DCC: variants seen among roughly 807,000 people sequenced by gnomAD.
DCC encodes the protein DCC netrin 1 receptor, also known as netrin receptor DCC.
In DCC, 58 loss-of-function variants were observed where a neutral mutation model predicts 172.5. That is an observed-to-expected ratio of 0.34 (90% CI 0.27 to 0.42). The LOEUF is 0.42. Among genes scored for constraint, DCC ranks in the 10% least tolerant of loss-of-function variants. The pLI is 1.00. For missense variants in DCC, 1,740 were observed against 1,791.0 expected, an observed-to-expected ratio of 0.97 and a Z score of 0.51; for synonymous variants, 709 against 644.5, an observed-to-expected ratio of 1.10 and a Z score of -1.52.
Position 53,093,947 on chromosome 18 carries a change from C to T in DCC, c.1261+27781C>T, listed in dbSNP as rs183033055. ...CTGGCTGTTTCCTTGGCAACAATAACTGAGTCAGTCTGACAGAATAACTAA... is the reference window on the plus strand; with the variant it reads ...CTGGCTGTTTCCTTGGCAACAATAATTGAGTCAGTCTGACAGAATAACTAA... On this transcript the variant is annotated intron_variant, in intron 7 of 28. Transcript: ENST00000442544. Among the ~76,000 whole-genome samples the T allele has an allele frequency of 8.5e-5, 13 of 152,262 alleles. No homozygotes were observed. In the East Asian group the frequency reaches 2.1e-3, roughly 25 times the overall value.
chr18:53,022,944 A>C (rs935506896), intron 5 of DCC, among the ~76,000 whole-genome samples: 3 of 152,144 alleles, frequency 2.0e-5, no homozygotes, highest in Non-Finnish European at 2.9e-5. Flanking sequence ...TATCCCCTTG[A>C]AAGTTTGAAG....
chr18:52,986,492 T>G (rs1466375554), intron 5 of DCC, among the ~76,000 whole-genome samples: 4 of 152,122 alleles, frequency 2.6e-5, no homozygotes, highest in Non-Finnish European at 5.9e-5. Context: ...AAGTTTTAAG[T>G]CTTAGTTTCG....
At chr18:52,751,202 G>A (rs2145131213) in intron 1 of DCC, among the ~76,000 whole-genome samples, 1 of 152,318 alleles carries the variant, frequency 6.6e-6, no homozygotes, top group Admixed American at 6.5e-5. Flanking sequence ...CTGAGCAAAT[G>A]GTGGAGCCAA....
At chr18:53,250,129 T>G (rs962943131) in intron 12 of DCC, among the ~76,000 whole-genome samples, 4 of 151,916 alleles carry the variant, frequency 2.6e-5, no homozygotes, top group Non-Finnish European at 4.4e-5. Flanking sequence ...TTCCGTTTTT[T>G]TAAAATGGGG....
chr18:52,430,955 T>C (rs1254943211), intron 1 of DCC, among the ~76,000 whole-genome samples: 1 of 152,146 alleles, frequency 6.6e-6, no homozygotes, highest in Non-Finnish European at 1.5e-5. Context: ...TACAAACTCT[T>C]TATTTTTGGC....
chr18:53,526,408 G>T (rs1048140216), intron 27 of DCC, among the ~76,000 whole-genome samples: 2 of 152,162 alleles, frequency 1.3e-5, no homozygotes, highest in African/African-American at 2.4e-5. Flanking sequence ...GGCTAGTGGA[G>T]CTGCATCTGG....
chr18:53,449,064 C>A (rs2045373183), intron 22 of DCC, among the ~76,000 whole-genome samples: 1 of 152,092 alleles, frequency 6.6e-6, no homozygotes, highest in Non-Finnish European at 1.5e-5. Flanking sequence ...ATTCTTTATA[C>A]AGATGGAGGC....
At chr18:52,894,210 A>G (rs58427074) in intron 2 of DCC, among the ~76,000 whole-genome samples, 40,009 of 151,972 alleles carry the variant, frequency 0.26, 5,484 homozygotes, top group Admixed American at 0.33. Flanking sequence ...CTCCACCAGC[A>G]TCTTTCATTT....
Position 52,752,344 on chromosome 18 carries a change from A to G in DCC, c.382A>G (p.Ile128Val), listed in dbSNP as rs750260659. The G allele has an allele frequency of 2.5e-6, 4 of 1,614,192 alleles. No individual in the cohort carries two copies. Among genetic ancestry groups the G allele is most frequent in the Non-Finnish European group, 3.4e-6 (4 of 1,180,022 alleles). ...ATCTTTAGGAGATTCTGGCTCAATT[A>G]TTAGTCGGACAGCAAAAGTTGCAGT... ...EASLGDSGSI[I>V]SRTAKVAVAG... Residue 128 changes from isoleucine (I) to valine (V), a missense_variant, in exon 2 of 29, where the codon ATT becomes GTT. Ile to Val is a conservative substitution (Grantham distance 29). Around this residue, in one of 2 missense-constraint regions of DCC, gnomAD observed 1,732 missense variants for 1,767.4 expected, o/e 0.98. Coordinates refer to ENST00000442544, the MANE Select transcript of DCC (RefSeq NM_005215.4).
intron 1 of DCC, among the ~76,000 whole-genome samples, chr18:52,492,596 A>C (rs2144607448): frequency 6.6e-6 from 1 of 152,082 alleles, no homozygotes; most frequent in Admixed American, 6.6e-5. Flanking sequence ...TGTGAAAGGA[A>C]CTATAAGAAA....
At chr18:52,750,375 G>T (rs771153528) in intron 1 of DCC, among the ~76,000 whole-genome samples, 4 of 152,132 alleles carry the variant, frequency 2.6e-5, no homozygotes, top group Non-Finnish European at 5.9e-5. Context: ...ACACCAAAAG[G>T]ATCTGTGGGG....
At chr18:53,415,023 AG>A (rs905349217) in intron 20 of DCC, among the ~76,000 whole-genome samples, 58 of 152,204 alleles carry the variant, frequency 3.8e-4, no homozygotes, top group African/African-American at 1.3e-3. Context: ...TTCATCTGAA[AG>A]GGGCTTTCGT....
intron 5 of DCC, among the ~76,000 whole-genome samples, chr18:52,929,913 C>G (rs2040280413): frequency 6.6e-6 from 1 of 150,548 alleles, no homozygotes; most frequent in Admixed American, 6.6e-5. Context: ...ATTGTATCCT[C>G]ATTTTCACTT....
chr18:53,262,013 A>T (rs2056611103), intron 12 of DCC, among the ~76,000 whole-genome samples: 1 of 152,220 alleles, frequency 6.6e-6, no homozygotes, highest in Non-Finnish European at 1.5e-5. Context: ...CCATCAGAAA[A>T]GAGGGGAACA....
chr18:53,152,282 A>G (rs2054653581), intron 7 of DCC, among the ~76,000 whole-genome samples: 2 of 152,194 alleles, frequency 1.3e-5, no homozygotes, highest in African/African-American at 2.4e-5. Flanking sequence ...CTTATCTTTC[A>G]TATACATCAT....
intron 20 of DCC, among the ~76,000 whole-genome samples, chr18:53,413,752 AC>A (rs1910131946): frequency 6.6e-6 from 1 of 152,200 alleles, no homozygotes. Flanking sequence ...AAGAATTCTC[AC>A]CTAAATATGA....
At chr18:52,827,659 C>A (rs1352619371) in intron 2 of DCC, among the ~76,000 whole-genome samples, 10 of 152,220 alleles carry the variant, frequency 6.6e-5, no homozygotes, top group Non-Finnish European at 2.9e-5. Context: ...AATTCCTAAT[C>A]CACACAATAG....
chr18:53,188,772 C>A (rs2055324215), intron 9 of DCC, among the ~76,000 whole-genome samples: 1 of 152,072 alleles, frequency 6.6e-6, no homozygotes, highest in South Asian at 2.1e-4. Flanking sequence ...TCAGAAAAAT[C>A]CTTCCTTGCC....
intron 1 of DCC, among the ~76,000 whole-genome samples, chr18:52,600,426 T>C (rs1359733111): frequency 6.6e-6 from 1 of 152,200 alleles, no homozygotes; most frequent in East Asian, 1.9e-4. Context: ...TAAATCTTGA[T>C]ATTTGGGCAA....
Sources: allele counts gnomAD v4.1 joint callset (sites outside exome capture counted in the v4.1 genomes callset), GRCh38; gene constraint gnomAD v4.1.1; regional missense constraint gnomAD v4.1.1; transcripts MANE v1.5; gene names NCBI Gene and HGNC (gene_info 2026-07-23, HGNC 2026-07-21).